The following RAB37 variants were observed in gnomAD, a reference collection of about 807,000 sequenced individuals.
RAB37 encodes RAB37, member RAS oncogene family, also known as ras-related protein Rab-37.
A neutral mutation model predicts 33.1 loss-of-function variants in RAB37; 29 were observed. That is an observed-to-expected ratio of 0.88 (90% CI 0.65 to 1.20). RAB37 has a LOEUF of 1.20. Among genes scored for constraint, RAB37 ranks in the 50% most tolerant of loss-of-function variants. The pLI, the probability that RAB37 is intolerant of heterozygous loss-of-function variation, is 0.00. For synonymous variants in RAB37, 128 were observed against 119.5 expected, an observed-to-expected ratio of 1.07 and a Z score of -0.47; for missense variants, 299 against 301.1, an observed-to-expected ratio of 0.99 and a Z score of 0.05.
chr17:74,696,899 ATTTTG>A (rs1480599903), intron 1 of RAB37, among the ~76,000 whole-genome samples: 1,436 of 136,138 alleles, frequency 0.011, 29 homozygotes, highest in African/African-American at 0.039. Flanking sequence ...GTAGGGACCG[ATTTTG>A]TTTGGTTTGG....
intron 1 of RAB37, among the ~76,000 whole-genome samples, chr17:74,682,541 G>A (rs1030016860): frequency 2.0e-5 from 3 of 152,164 alleles, no homozygotes; most frequent in African/African-American, 7.2e-5. Flanking sequence ...CATGATGGAC[G>A]GCTTAAGCTC....
Position 74,743,151 on chromosome 17 carries a change from A to G in RAB37, c.269A>G (p.Glu90Gly). The change falls in exon 4 of 9, where the codon GAA (glutamate) becomes GGA (glycine). Residue 90 changes from glutamate (E) to glycine (G), a missense_variant. Physicochemically the swap from Glu to Gly is moderately conservative, Grantham distance 98. Coordinates refer to ENST00000392613, the MANE Select transcript of RAB37 (RefSeq NM_001006638.3). ...CAGATCTGGGACACCGCTGGGCAGG[A>G]ACGGTTCCGAAGCGTCACCCATGCT... ...KLQIWDTAGQ[E>G]RFRSVTHAYY... The G allele has an allele frequency of 6.2e-7, 1 of 1,613,682 alleles. No individual in the cohort carries two copies. Among genetic ancestry groups the G allele is most frequent in the African/African-American group, 1.3e-5 (1 of 75,018 alleles).
At chr17:74,740,912 G>A (rs754906324) in intron 2 of RAB37, 34 bp downstream of exon 2, 2 of 1,495,388 alleles carry the variant, frequency 1.3e-6, no homozygotes, top group Non-Finnish European at 1.9e-6. Context: ...TTCCAGCAGA[G>A]AGCCAGGGCT....
intron 1 of RAB37, among the ~76,000 whole-genome samples, chr17:74,716,055 G>A (rs576485885): frequency 2.0e-5 from 3 of 152,236 alleles, no homozygotes; most frequent in African/African-American, 4.8e-5. Context: ...CAGAGAATTC[G>A]CCAAGTGGTT....
At chr17:74,673,407 C>CA (rs35423662) in intron 1 of RAB37, among the ~76,000 whole-genome samples, 106,737 of 137,820 alleles carry the variant, frequency 0.77, 41,527 homozygotes, top group Non-Finnish European at 0.85. Flanking sequence ...GACCTTGTCT[C>CA]AAAAAAAAAA....
At chr17:74,722,232 A>C (rs2034251683) in intron 1 of RAB37, among the ~76,000 whole-genome samples, 2 of 151,820 alleles carry the variant, frequency 1.3e-5, no homozygotes, top group Non-Finnish European at 2.9e-5. Context: ...GCAGTGAGTC[A>C]AGATCGTGCC....
In RAB37 at chr17:74,671,276, T is replaced by C. The variant is rs2031697577; in HGVS notation, c.-311T>C. 5.9e-6 allele frequency: 2 copies of C among 339,738 alleles called. No individual in the cohort carries two copies. Among genetic ancestry groups the C allele is most frequent in the South Asian group, 6.8e-5 (1 of 14,772 alleles). 21.0% of individuals were successfully genotyped at this position (339,738 alleles called of 1,614,324 possible). A position where few individuals can be genotyped will look rare whatever the true frequency, so the allele number is the denominator to read the frequency against. ...CAGCCGGACCCAAATCTTGCGTCCCTGCCAGCATCCTGGAGTCCTAAGAGG... is the reference window on the plus strand; with the variant it reads ...CAGCCGGACCCAAATCTTGCGTCCCCGCCAGCATCCTGGAGTCCTAAGAGG... On this transcript the variant is annotated 5_prime_UTR_variant, in exon 1 of 8. Transcript: ENST00000340415. The surrounding 1 kb of genome is among the most constrained non-coding windows in gnomAD (Gnocchi z 5.0).
At chr17:74,686,615 A>G (rs1014085349) in intron 1 of RAB37, among the ~76,000 whole-genome samples, 1 of 152,010 alleles carries the variant, frequency 6.6e-6, no homozygotes, top group Non-Finnish European at 1.5e-5. Context: ...GCTGGTCTCT[A>G]ACTCCTGACC....
chr17:74,713,320 A>C (rs997142521), intron 1 of RAB37, among the ~76,000 whole-genome samples: 6 of 151,802 alleles, frequency 4.0e-5, no homozygotes, highest in East Asian at 3.9e-4. Flanking sequence ...AAAAACAAAA[A>C]AAAAAAAAAA....
In RAB37 at chr17:74,744,459, G is replaced by C. The variant is rs12601879; in HGVS notation, c.432+86G>C. On this transcript the variant is annotated intron_variant, in intron 6 of 8. Transcript: ENST00000392613. This position sits in a 1 kb window ranked among gnomAD's most constrained non-coding sequence, Gnocchi z 4.2. ...ATAACCACCCAAGAACAGTTATCTA[G>C]GCATCCTTCCTGAAAAGGACTCTGC... The C allele has an allele frequency of 7.7e-7, 1 of 1,306,192 alleles. No homozygotes were observed. The highest frequency in any genetic ancestry group is 1.2e-5 in the South Asian group (1 of 83,904). 80.9% of individuals were successfully genotyped at this position (1,306,192 alleles called of 1,614,324 possible).
upstream of RAB37, among the ~76,000 whole-genome samples, chr17:74,734,373 G>A (rs1201502492): frequency 6.6e-6 from 1 of 152,184 alleles, no homozygotes; most frequent in Non-Finnish European, 1.5e-5. Context: ...AGTGATATCT[G>A]CAATGACCAC....
chr17:74,721,839 A>G (rs2034244741), intron 1 of RAB37, among the ~76,000 whole-genome samples: 1 of 152,222 alleles, frequency 6.6e-6, no homozygotes, highest in South Asian at 2.1e-4. Context: ...TGCTCAATGT[A>G]TACTCCCACT....
At chr17:74,711,905 TC>T (rs372649479) in intron 1 of RAB37, among the ~76,000 whole-genome samples, 58 of 147,622 alleles carry the variant, frequency 3.9e-4, no homozygotes, top group African/African-American at 1.1e-3. Context: ...TTTTCTTTTT[TC>T]TTTTTTTTTT....
intron 1 of RAB37, among the ~76,000 whole-genome samples, chr17:74,719,736 G>A (rs112947600): frequency 1.0e-3 from 153 of 152,082 alleles, no homozygotes; most frequent in Middle Eastern, 3.4e-3. Context: ...AGCTGGTCTC[G>A]AACTCCTGGG....
Position 74,703,262 on chromosome 17 carries a change from G to C in RAB37, c.73-25994G>C, listed in dbSNP as rs9675012. 7.8e-3 allele frequency: 5,729 copies of C among 738,140 alleles called. 111 individuals carry two copies. Among genetic ancestry groups the C allele is most frequent in the Admixed American group, 0.041 (1,641 of 39,690 alleles). 45.7% of individuals were successfully genotyped at this position (738,140 alleles called of 1,614,324 possible). A position where few individuals can be genotyped will look rare whatever the true frequency, so the allele number is the denominator to read the frequency against. On this transcript the variant is annotated intron_variant, in intron 1 of 7. Transcript: ENST00000340415. ...GGTCTGGACTGCTACTATGGGAAGGGGCTGCAGCCTGGACCACTCATGTCT... is the reference window on the plus strand; with the variant it reads ...GGTCTGGACTGCTACTATGGGAAGGCGCTGCAGCCTGGACCACTCATGTCT...
rs536004444 is a variant in RAB37 at position 74,730,453 on chromosome 17, C to A, written c.183+1087C>A. Among the ~76,000 whole-genome samples, 2 of 152,258 alleles carry A rather than the reference C, an allele frequency of 1.3e-5. No individual in the cohort carries two copies. Among genetic ancestry groups the A allele is most frequent in the East Asian group, 1.9e-4 (1 of 5,174 alleles). The stretch of plus-strand genomic sequence containing the variant: ...CTGCATGACCTTCCAGGAGGCAAAG[C>A]GGAAGTGAGTGCCTGGTTCGGGTGT... On this transcript the variant is annotated intron_variant, in intron 2 of 7. Transcript: ENST00000340415. This position sits in a 1 kb window ranked among gnomAD's most constrained non-coding sequence, Gnocchi z 4.4.
chr17:74,706,526 GGC>G (rs1382661499), intron 1 of RAB37, among the ~76,000 whole-genome samples: 1 of 151,966 alleles, frequency 6.6e-6, no homozygotes, highest in Non-Finnish European at 1.5e-5. Flanking sequence ...AAATTAGCCT[GGC>G]ATGATGGCAC....
At chr17:74,737,488 G>A (rs2034508038) in intron 1 of RAB37, 123 bp downstream of exon 1, 1 of 1,139,476 alleles carries the variant, frequency 8.8e-7, no homozygotes, top group Non-Finnish European at 1.2e-6. Flanking sequence ...GAGGGAGAGA[G>A]GGTCAGGACA....
intron 1 of RAB37, among the ~76,000 whole-genome samples, chr17:74,724,203 G>A (rs1490159934): frequency 6.6e-6 from 1 of 152,218 alleles, no homozygotes; most frequent in Non-Finnish European, 1.5e-5. Flanking sequence ...AGGGAGACAT[G>A]AGACATCAAT....
Sources: allele counts gnomAD v4.1 joint callset (sites outside exome capture counted in the v4.1 genomes callset), GRCh38; gene constraint gnomAD v4.1.1; non-coding constraint Gnocchi (gnomAD v3.1); transcripts MANE v1.5; gene names NCBI Gene and HGNC (gene_info 2026-07-23, HGNC 2026-07-21).